P2RX3: variants seen among roughly 807,000 people sequenced by gnomAD.
P2RX3 encodes the protein purinergic receptor P2X 3, also known as P2X purinoceptor 3.
A neutral mutation model predicts 51.5 loss-of-function variants in P2RX3; 41 were observed. That is an observed-to-expected ratio of 0.80 (90% confidence interval 0.62 to 1.03). The LOEUF is 1.03. Among genes scored for constraint, P2RX3 ranks in the 50% least tolerant of loss-of-function variants. P2RX3 has a pLI of 0.00. For missense variants in P2RX3, 459 were observed against 522.1 expected (o/e 0.88, Z 1.18); for synonymous variants, 185 against 191.6 (o/e 0.97, Z 0.29).
Position 57,346,612 on chromosome 11 carries a change from A to C in P2RX3, c.188A>C (p.Lys63Thr), listed in dbSNP as rs1276162096. 2 of 1,614,096 alleles carry C rather than the reference A, an allele frequency of 1.2e-6. No individual in the cohort carries two copies. Among genetic ancestry groups the C allele is most frequent in the East Asian group, 4.5e-5 (2 of 44,898 alleles). The change falls in exon 2 of 12, where the codon AAG (lysine) becomes ACG (threonine). Residue 63 changes from lysine to threonine, a missense_variant. Physicochemically the swap from Lys to Thr is moderately conservative, Grantham distance 78 (BLOSUM62 -1). Transcript: ENST00000263314. ...GCCATTGAGTCCTCGGTGGTAACCA[A>C]GGTGAAGGGCTCCGGACTCTACGCC... ...DTAIESSVVT[K>T]VKGSGLYANR... is the part of the protein sequence containing the mutation.
chr11:57,338,572 T>C lies in P2RX3; in HGVS notation c.22T>C (p.Phe8Leu), dbSNP rs773811597. 5.0e-6 allele frequency: 8 copies of C among 1,590,240 alleles called. No homozygotes were observed. Among genetic ancestry groups the C allele is most frequent in the Admixed American group, 1.7e-5 (1 of 59,724 alleles). The change falls in exon 1 of 12, where the codon TTC becomes CTC. Residue 8 changes from phenylalanine to leucine, a missense_variant. By Grantham distance (22) the Phe-to-Leu change is conservative (BLOSUM62 0). Transcript: ENST00000263314. MNCISDF[F>L]TYETTKSVVV... is the part of the protein sequence containing the mutation. Reference sequence around the variant, plus strand: ...CAGCATGAACTGCATATCCGACTTCTTCACCTATGAGACCACCAAGTCGGT... The same window carrying C: ...CAGCATGAACTGCATATCCGACTTCCTCACCTATGAGACCACCAAGTCGGT...
At chr11:57,349,362 A>G (rs1263729287) in intron 6 of P2RX3, among the ~76,000 whole-genome samples, 1 of 151,430 alleles carries the variant, frequency 6.6e-6, no homozygotes, top group East Asian at 1.9e-4. Flanking sequence ...GCTACTTGGG[A>G]GACTGAGGCA....
At chr11:57,336,496 G>A (rs1007979640), upstream of P2RX3, among the ~76,000 whole-genome samples, 3 of 152,152 alleles carry the variant, frequency 2.0e-5, no homozygotes, top group Admixed American at 6.5e-5. Context: ...GGTCTCCCCC[G>A]TATAATCCCA....
chr11:57,342,708 C>A (rs940495280), intron 1 of P2RX3, among the ~76,000 whole-genome samples: 1 of 152,064 alleles, frequency 6.6e-6, no homozygotes, highest in Non-Finnish European at 1.5e-5. Flanking sequence ...AAGTGCCTTG[C>A]GGAGATGGTG....
rs1415975926 is a variant in P2RX3 at position 57,352,141 on chromosome 11, A to T, written c.842+1243A>T. ...TCCTTTGTTGAGGTGGTATTCTCTGATACAATGGCATACGTAAGCCAAAAA... is the reference window on the plus strand; with the variant it reads ...TCCTTTGTTGAGGTGGTATTCTCTGTTACAATGGCATACGTAAGCCAAAAA... On this transcript the variant is annotated intron_variant, in intron 8 of 11. Coordinates refer to ENST00000263314, the MANE Select transcript of P2RX3 (RefSeq NM_002559.5). Among the ~76,000 whole-genome samples, 3 of 152,206 alleles carry T rather than the reference A, an allele frequency of 2.0e-5. No homozygotes were observed. The East Asian group carries it at 5.8e-4, about 29-fold the overall frequency.
At chr11:57,339,258 G>A (rs1440232061) in intron 1 of P2RX3, among the ~76,000 whole-genome samples, 5 of 152,126 alleles carry the variant, frequency 3.3e-5, no homozygotes, top group Admixed American at 2.6e-4. Context: ...CTCTGCTCTT[G>A]AAGGGGAGGA....
At chr11:57,336,388 G>A (rs937291168), upstream of P2RX3, among the ~76,000 whole-genome samples, 1 of 152,096 alleles carries the variant, frequency 6.6e-6, no homozygotes, top group Non-Finnish European at 1.5e-5. Context: ...CCTCCAAGAG[G>A]CTGGCAAACG....
intron 1 of P2RX3, among the ~76,000 whole-genome samples, chr11:57,342,148 CTTTTTTTTTTTTT>C (rs67011422): frequency 2.1e-5 from 1 of 48,360 alleles, no homozygotes; most frequent in South Asian, 1.6e-3. Flanking sequence ...GCTGCCCCAT[CTTTTTTTTTTTTT>C]TTTTTTTTTT....
chr11:57,368,321 C>T (rs935232687), intron 9 of P2RX3, 51 bp from the exon 10 acceptor site: 1 of 1,597,246 alleles, frequency 6.3e-7, no homozygotes. Context: ...TCGGGCCTCA[C>T]CCCCATCCCA....
chr11:57,338,011 C>G (rs2134400362), upstream of P2RX3, among the ~76,000 whole-genome samples: 1 of 152,336 alleles, frequency 6.6e-6, no homozygotes, highest in South Asian at 2.1e-4. Context: ...GGGGGCAACT[C>G]AGGAAAGGAG....
chr11:57,340,001 C>T (rs1484810299), intron 1 of P2RX3, among the ~76,000 whole-genome samples: 1 of 152,210 alleles, frequency 6.6e-6, no homozygotes, highest in African/African-American at 2.4e-5. Context: ...TTTGGAATAG[C>T]ATTAAATGGC....
At chr11:57,368,324 C>G in intron 9 of P2RX3, 48 bp from the exon 10 acceptor site, 2 of 1,603,944 alleles carry the variant, frequency 1.2e-6, no homozygotes, top group Non-Finnish European at 1.7e-6. Flanking sequence ...GGCCTCACCC[C>G]CATCCCATGG....
intron 6 of P2RX3, among the ~76,000 whole-genome samples, chr11:57,348,907 C>A (rs9667065): frequency 0.36 from 54,592 of 152,046 alleles, 11,394 homozygotes; most frequent in East Asian, 0.68. Flanking sequence ...AGTTTCTCTG[C>A]CAGCCTCCCC....
upstream of P2RX3, among the ~76,000 whole-genome samples, chr11:57,337,772 G>A (rs35407832): frequency 0.032 from 4,948 of 152,274 alleles, 101 homozygotes; most frequent in Non-Finnish European, 0.045. Context: ...CATGGCACAC[G>A]TATACATATG....
At chr11:57,368,494 A>C in intron 10 of P2RX3, 57 bp downstream of exon 10, 3 of 1,587,174 alleles carry the variant, frequency 1.9e-6, no homozygotes, top group Non-Finnish European at 2.6e-6. Context: ...CCGGACTGGT[A>C]CCAGCAGGCA....
chr11:57,342,912 G>A (rs1171078460), intron 1 of P2RX3, among the ~76,000 whole-genome samples: 3 of 152,306 alleles, frequency 2.0e-5, no homozygotes, highest in African/African-American at 2.4e-5. Flanking sequence ...GCTGGGGCGC[G>A]GCTCTGGCCT....
upstream of P2RX3, among the ~76,000 whole-genome samples, chr11:57,337,526 G>A (rs1856256796): frequency 6.6e-6 from 1 of 151,980 alleles, no homozygotes; most frequent in African/African-American, 2.4e-5. Context: ...GCAGGGACAT[G>A]GATGAAGCTG....
intron 9 of P2RX3, 61 bp downstream of exon 9, chr11:57,368,163 G>A (rs1306963823): frequency 1.3e-6 from 2 of 1,552,346 alleles, no homozygotes; most frequent in African/African-American, 2.7e-5. Flanking sequence ...CACCTCTCGG[G>A]TTCTGAAAAA....
chr11:57,368,492 G>A (rs1565074607), intron 10 of P2RX3, 55 bp downstream of exon 10: 1 of 1,590,830 alleles, frequency 6.3e-7, no homozygotes, highest in East Asian at 2.2e-5. Flanking sequence ...GCCCGGACTG[G>A]TACCAGCAGG....
Sources: gnomAD v4.1 joint callset for allele counts (sites outside exome capture counted in the v4.1 genomes callset) on GRCh38, gnomAD v4.1.1 for gene constraint, MANE v1.5 for transcripts, NCBI Gene and HGNC (gene_info 2026-07-23, HGNC 2026-07-21) for gene names.